Variants in CCDC7 observed in about 807,000 individuals in gnomAD.
CCDC7 encodes the protein coiled-coil domain containing 7.
Under a neutral mutation model 196.9 loss-of-function variants are expected in CCDC7, and 183 were observed. That is an observed-to-expected ratio of 0.93 (90% CI 0.82 to 1.05). The LOEUF (loss-of-function observed/expected upper bound fraction) is 1.05. Among genes scored for constraint, CCDC7 ranks in the 50% least tolerant of loss-of-function variants. CCDC7 has a pLI of 0.00. For synonymous variants in CCDC7, 525 were observed against 484.6 expected, an observed-to-expected ratio of 1.08 and a Z score of -1.10; for missense variants, 1,540 against 1,482.2, an observed-to-expected ratio of 1.04 and a Z score of -0.64.
intron 33 of CCDC7, among the ~76,000 whole-genome samples, chr10:32,844,273 T>C (rs1352267317): frequency 6.6e-6 from 1 of 151,960 alleles, no homozygotes; most frequent in East Asian, 1.9e-4. Flanking sequence ...GAATGCAATC[T>C]CAATGCTTAT....
At chr10:32,627,799 A>G (rs1275705708) in intron 18 of CCDC7, among the ~76,000 whole-genome samples, 1 of 151,916 alleles carries the variant, frequency 6.6e-6, no homozygotes, top group Non-Finnish European at 1.5e-5. Flanking sequence ...TAGTCTGTTA[A>G]TATGATATAT....
At chr10:32,748,541 A>G (rs551185561) in intron 28 of CCDC7, among the ~76,000 whole-genome samples, 34 of 152,268 alleles carry the variant, frequency 2.2e-4, no homozygotes, top group African/African-American at 7.9e-4. Context: ...AAAGCCAGAC[A>G]TGATATACTA....
At chr10:32,500,731 C>T (rs989853339) in intron 9 of CCDC7, among the ~76,000 whole-genome samples, 1 of 152,208 alleles carries the variant, frequency 6.6e-6, no homozygotes, top group Admixed American at 6.5e-5. Context: ...GCCAAGATCA[C>T]ACCACTGCAC....
At chr10:32,662,808 A>G (rs1459554739) in intron 20 of CCDC7, among the ~76,000 whole-genome samples, 1 of 152,158 alleles carries the variant, frequency 6.6e-6, no homozygotes, top group African/African-American at 2.4e-5. Context: ...TAGATAACCA[A>G]TGAGAGTAGC....
At chr10:32,800,400 A>G (rs181837072) in intron 29 of CCDC7, among the ~76,000 whole-genome samples, 12 of 152,284 alleles carry the variant, frequency 7.9e-5, no homozygotes, top group African/African-American at 2.6e-4. Context: ...CCAATTATGC[A>G]TTCTGGCACT....
At chr10:32,536,807 T>C (rs575292841) in intron 11 of CCDC7, among the ~76,000 whole-genome samples, 4 of 152,184 alleles carry the variant, frequency 2.6e-5, no homozygotes, top group Non-Finnish European at 5.9e-5. Flanking sequence ...GCTCCATCTG[T>C]GTTGCTGCAG....
intron 41 of CCDC7, among the ~76,000 whole-genome samples, chr10:32,856,986 C>A (rs1333306660): frequency 2.6e-5 from 4 of 152,132 alleles, no homozygotes; most frequent in Non-Finnish European, 5.9e-5. Flanking sequence ...GACCCCAGCT[C>A]CACAGCCACT....
At chr10:32,471,627 C>T (rs935191655) in intron 6 of CCDC7, among the ~76,000 whole-genome samples, 1 of 152,168 alleles carries the variant, frequency 6.6e-6, no homozygotes, top group Non-Finnish European at 1.5e-5. Flanking sequence ...TGAAATACTT[C>T]ATTGTTCATG....
At chr10:32,689,923 CAG>C (rs2076891603) in intron 23 of CCDC7, among the ~76,000 whole-genome samples, 1 of 152,108 alleles carries the variant, frequency 6.6e-6, no homozygotes, top group Non-Finnish European at 1.5e-5. Context: ...TTAGTAGAGA[CAG>C]AGTTTCACCA....
At chr10:32,650,400 C>A (rs977596026) in intron 20 of CCDC7, among the ~76,000 whole-genome samples, 5 of 152,160 alleles carry the variant, frequency 3.3e-5, no homozygotes, top group African/African-American at 1.2e-4. Context: ...CTGTGTTCTG[C>A]CATGTGAGGA....
chr10:32,862,560 T>C (rs966915773), intron 41 of CCDC7, among the ~76,000 whole-genome samples: 1 of 146,336 alleles, frequency 6.8e-6, no homozygotes, highest in African/African-American at 2.5e-5. Context: ...GGTATAATAA[T>C]AAAAAAAAAA....
intron 5 of CCDC7, among the ~76,000 whole-genome samples, chr10:32,468,699 A>G (rs958143629): frequency 6.6e-6 from 1 of 152,096 alleles, no homozygotes; most frequent in African/African-American, 2.4e-5. Flanking sequence ...ATGTCAGCCA[A>G]GATACCTGTT....
intron 20 of CCDC7, among the ~76,000 whole-genome samples, chr10:32,642,271 ACCT>A (rs1421976093): frequency 6.6e-6 from 1 of 151,956 alleles, no homozygotes; most frequent in Non-Finnish European, 1.5e-5. Context: ...AGGCAGTGAG[ACCT>A]CCTTGAGCTG....
rs554205122 is a variant in CCDC7, at chr10:32,743,812, A to C, written c.2905+14355A>C. On this transcript the variant is annotated intron_variant, in intron 28 of 41. Transcript: ENST00000639629. ...CACCATGGAATACTATGCAACCATAAAAAGGATGAGTTCATGTCCTTTGTA... is the reference window on the plus strand; with the variant it reads ...CACCATGGAATACTATGCAACCATACAAAGGATGAGTTCATGTCCTTTGTA... Among the ~76,000 whole-genome samples the C allele has an allele frequency of 2.0e-5, 3 of 152,228 alleles. No homozygotes were observed. In the South Asian group the frequency reaches 6.2e-4, roughly 32 times the overall value.
intron 41 of CCDC7, among the ~76,000 whole-genome samples, chr10:32,874,516 A>T (rs1177381112): frequency 6.6e-6 from 1 of 151,724 alleles, no homozygotes; most frequent in Non-Finnish European, 1.5e-5. Flanking sequence ...GCTGCCACTT[A>T]TAAGTGAGAA....
chr10:32,617,130 T>C (rs1364292091), intron 18 of CCDC7, among the ~76,000 whole-genome samples: 4 of 151,462 alleles, frequency 2.6e-5, no homozygotes, highest in Non-Finnish European at 5.9e-5. Flanking sequence ...GTGGAATCAA[T>C]TGTAATATCT....
intron 24 of CCDC7, among the ~76,000 whole-genome samples, chr10:32,699,105 C>A (rs1314002048): frequency 5.9e-5 from 9 of 152,072 alleles, no homozygotes. Context: ...GTACAACGTG[C>A]AGGTTTGTTA....
chr10:32,759,203 A>C (rs2076999843), intron 28 of CCDC7, among the ~76,000 whole-genome samples: 1 of 152,204 alleles, frequency 6.6e-6, no homozygotes, highest in Non-Finnish European at 1.5e-5. Flanking sequence ...CATCCCCATC[A>C]AGCTACCAAT....
chr10:32,485,707 T>C (rs919394240), intron 8 of CCDC7, among the ~76,000 whole-genome samples: 4 of 152,176 alleles, frequency 2.6e-5, no homozygotes, highest in Admixed American at 6.5e-5. Context: ...TCTTTGTTCT[T>C]GTTGGTTTCA....
Sources: gnomAD v4.1 joint callset for allele counts (sites outside exome capture counted in the v4.1 genomes callset) on GRCh38, gnomAD v4.1.1 for gene constraint, MANE v1.5 for transcripts, NCBI Gene and HGNC (gene_info 2026-07-23, HGNC 2026-07-21) for gene names.